Variants in ASB7 observed in about 807,000 individuals in gnomAD.
The protein encoded by ASB7 is ankyrin repeat and SOCS box containing 7.
Under a neutral mutation model 32.5 loss-of-function variants are expected in ASB7, and 4 were observed. The ratio of observed to expected loss-of-function variants is 0.12; its 90% CI spans 0.06 to 0.28. The LOEUF (loss-of-function observed/expected upper bound fraction) is 0.28, where lower values mean the gene tolerates loss of function less well. Among genes scored for constraint, ASB7 ranks in the 10% least tolerant of loss-of-function variants. The pLI, the probability that ASB7 is intolerant of heterozygous loss-of-function variation, is 1.00. For missense variants in ASB7, 181 were observed against 407.1 expected, an observed-to-expected ratio of 0.44 and a Z score of 4.78; for synonymous variants, 172 against 155.6, an observed-to-expected ratio of 1.11 and a Z score of -0.78.
chr15:100,615,394 C>T (rs988858645), intron 4 of ASB7, among the ~76,000 whole-genome samples: 1 of 152,192 alleles, frequency 6.6e-6, no homozygotes, highest in Admixed American at 6.5e-5. Context: ...ATTGTCATTA[C>T]CCCCAAAGAA....
At chr15:100,605,796 CT>C (rs373644739) in intron 2 of ASB7, among the ~76,000 whole-genome samples, 58 of 152,276 alleles carry the variant, frequency 3.8e-4, no homozygotes, top group African/African-American at 1.3e-3. Flanking sequence ...CATTATAATA[CT>C]TGTGATTTAA....
intron 5 of ASB7, among the ~76,000 whole-genome samples, chr15:100,633,363 G>A (rs1409506246): frequency 6.6e-6 from 1 of 152,134 alleles, no homozygotes; most frequent in African/African-American, 2.4e-5. Flanking sequence ...GGTCACCTGA[G>A]GTCAGGAGTT....
intron 5 of ASB7, among the ~76,000 whole-genome samples, chr15:100,637,292 A>C (rs1301979766): frequency 6.6e-6 from 1 of 152,214 alleles, no homozygotes; most frequent in Non-Finnish European, 1.5e-5. Flanking sequence ...ATTTTCTTGA[A>C]AATGAGTAAA....
At chr15:100,606,166 T>G (rs1430647146) in intron 2 of ASB7, among the ~76,000 whole-genome samples, 3 of 151,214 alleles carry the variant, frequency 2.0e-5, no homozygotes, top group Admixed American at 6.6e-5. Flanking sequence ...CTCTTAGATC[T>G]TGTGAATGTG....
intron 3 of ASB7, among the ~76,000 whole-genome samples, chr15:100,610,104 C>T (rs1290924496): frequency 6.6e-6 from 1 of 152,202 alleles, no homozygotes; most frequent in African/African-American, 2.4e-5. Context: ...CATTTTCTCT[C>T]ATAACAGAAT....
At position 100,643,474 on chromosome 15, in the gene ASB7, C is replaced by CTTTT. The variant is rs1345038322; in HGVS notation, c.818-4847_818-4846insTTTT. 1.3e-4 allele frequency among the ~76,000 whole-genome samples: 17 copies of CTTTT among 132,642 alleles called. 1 individual carries two copies. The highest frequency in any genetic ancestry group is 4.6e-4 in the African/African-American group (16 of 34,494). The allele number at this position is 132,642 out of a possible 152,430, so 87.0% of individuals were successfully genotyped here. On this transcript the variant is annotated intron_variant, in intron 5 of 5. Coordinates refer to ENST00000332783, the MANE Select transcript of ASB7 (RefSeq NM_198243.3). ...CCATAACCTTTTGTCTCAGTCCCTT[C>CTTTT]TTCTTTTTTTTTTTTTTTTTTTTTT...
chr15:100,626,860 C>T (rs886827583), intron 4 of ASB7, among the ~76,000 whole-genome samples: 82 of 152,270 alleles, frequency 5.4e-4, no homozygotes, highest in African/African-American at 1.8e-3. Context: ...CAGAAGTCTA[C>T]ATATGATTCT....
intron 4 of ASB7, among the ~76,000 whole-genome samples, chr15:100,616,839 C>T (rs1025163007): frequency 6.6e-6 from 1 of 152,186 alleles, no homozygotes; most frequent in African/African-American, 2.4e-5. Context: ...TAGGCATGCT[C>T]TGTATTTAGT....
At chr15:100,610,986 A>G (rs1037546561) in intron 3 of ASB7, among the ~76,000 whole-genome samples, 2 of 152,228 alleles carry the variant, frequency 1.3e-5, no homozygotes, top group Non-Finnish European at 2.9e-5. Flanking sequence ...TGTAAGATGC[A>G]ACTTTTTACC....
rs374830094 is a variant in ASB7 at position 100,612,294 on chromosome 15, T to C, written c.78T>C (p.Asp26=). 2 of 1,614,126 alleles carry C rather than the reference T, an allele frequency of 1.2e-6. No individual in the cohort carries two copies. The highest frequency in any genetic ancestry group is 2.7e-5 in the African/African-American group (2 of 75,040). Residue 26 remains aspartate, a synonymous_variant, in exon 4 of 6, where the codon GAT becomes GAC. Coordinates refer to ENST00000332783, the MANE Select transcript of ASB7 (RefSeq NM_198243.3). ...TTCAGGCCGCGGTGGCTGCTGGGGA[T>C]GTCCACACAGTGCGAAAGATGCTAG... The part of the protein sequence containing the change: ...LQIQAAVAAG[D]VHTVRKMLEQ...
intron 5 of ASB7, among the ~76,000 whole-genome samples, chr15:100,636,090 TTTACCATTTCAGTGTTCGTCAAAA>T: frequency 1.3e-5 from 2 of 152,184 alleles, no homozygotes; most frequent in African/African-American, 2.4e-5. Context: ...CACAGTCAAA[TTTACCATTTCAGTGTTCGTCAAAA>T]TTACCATTTC....
At position 100,629,684 on chromosome 15, in the gene ASB7, G is replaced by A. The variant is rs946952467; in HGVS notation, c.459G>A (p.Pro153=). ...CACTCAGTGATAAAGGTACCACACC[G>A]CTTCAGCTCGCCATTATCCGAGAGA... ...VDPLSDKGTT[P]LQLAIIRERS... The change falls in exon 5 of 6, where the codon CCG becomes CCA. Residue 153 remains proline (P), a synonymous_variant. Coordinates refer to ENST00000332783, the MANE Select transcript of ASB7 (RefSeq NM_198243.3). The surrounding 1 kb of genome is among the most constrained non-coding windows in gnomAD (Gnocchi z 6.8). 21 of 1,614,182 alleles carry A rather than the reference G, an allele frequency of 1.3e-5. No homozygotes were observed. Among genetic ancestry groups the A allele is most frequent in the South Asian group, 4.4e-5 (4 of 91,082 alleles).
At chr15:100,645,627 A>G in intron 5 of ASB7, 1 of 914,950 alleles carries the variant, frequency 1.1e-6, no homozygotes, top group South Asian at 1.3e-5. Context: ...TGGGTAGGAG[A>G]CCGTTTTACT....
At chr15:100,646,014 A>G in intron 5 of ASB7, 3 of 456,298 alleles carry the variant, frequency 6.6e-6, no homozygotes, top group South Asian at 5.6e-5. Flanking sequence ...CTTCTTCTGT[A>G]GGGACAGTAG....
chr15:100,606,870 C>T (rs769013410), intron 2 of ASB7, among the ~76,000 whole-genome samples: 5 of 152,030 alleles, frequency 3.3e-5, no homozygotes, highest in Non-Finnish European at 7.4e-5. Flanking sequence ...AAAATTACCT[C>T]CTGGCCGGGC....
chr15:100,620,712 T>C (rs2039784192), intron 4 of ASB7, among the ~76,000 whole-genome samples: 1 of 152,178 alleles, frequency 6.6e-6, no homozygotes, highest in African/African-American at 2.4e-5. Flanking sequence ...AGGGTGGAAA[T>C]TGTAACAAAC....
intron 4 of ASB7, among the ~76,000 whole-genome samples, chr15:100,620,150 G>A (rs746424354): frequency 3.9e-5 from 6 of 152,166 alleles, no homozygotes; most frequent in African/African-American, 9.7e-5. Flanking sequence ...ACTCAAGTCC[G>A]TGGTAGAAAA....
At chr15:100,606,178 A>G (rs770918544) in intron 2 of ASB7, among the ~76,000 whole-genome samples, 1 of 143,518 alleles carries the variant, frequency 7.0e-6, no homozygotes, top group African/African-American at 2.5e-5. Context: ...GTGAATGTGA[A>G]CCATTGAAGG....
At chr15:100,608,235 T>C (rs2039664151) in intron 2 of ASB7, among the ~76,000 whole-genome samples, 1 of 152,214 alleles carries the variant, frequency 6.6e-6, no homozygotes, top group Non-Finnish European at 1.5e-5. Flanking sequence ...TAGGAAAGCT[T>C]TGGATTTACA....
Sources: allele counts gnomAD v4.1 joint callset (sites outside exome capture counted in the v4.1 genomes callset), GRCh38; gene constraint gnomAD v4.1.1; non-coding constraint Gnocchi (gnomAD v3.1); transcripts MANE v1.5; gene names NCBI Gene and HGNC (gene_info 2026-07-23, HGNC 2026-07-21).